COL6A5: variants seen among roughly 807,000 people sequenced by gnomAD.
COL6A5 encodes the protein collagen alpha-5(VI) chain.
COL6A5 carries 48 observed loss-of-function variants against 65.6 expected under a neutral mutation model. That is an observed-to-expected ratio of 0.73 (90% CI 0.58 to 0.93). The LOEUF is 0.93. COL6A5 is among the 40% of genes least tolerant of loss of function. The pLI is 0.00. For missense variants in COL6A5, 914 were observed against 928.3 expected, an observed-to-expected ratio of 0.98 and a Z score of 0.20; for synonymous variants, 291 against 322.8, an observed-to-expected ratio of 0.90 and a Z score of 1.05.
At chr3:130,466,876 G>A (rs1709831355) in intron 5 of COL6A5, among the ~76,000 whole-genome samples, 1 of 151,906 alleles carries the variant, frequency 6.6e-6, no homozygotes, top group Non-Finnish European at 1.5e-5. Flanking sequence ...TTCTTGCAAT[G>A]TATAAACTAC....
At chr3:130,479,755 A>G (rs1710190980) in intron 7 of COL6A5, among the ~76,000 whole-genome samples, 1 of 152,176 alleles carries the variant, frequency 6.6e-6, no homozygotes, top group African/African-American at 2.4e-5. Context: ...ATCAAAAAAT[A>G]TACTAATAAT....
At chr3:130,361,573 C>A (rs1410408870) in intron 1 of COL6A5, among the ~76,000 whole-genome samples, 3 of 152,040 alleles carry the variant, frequency 2.0e-5, no homozygotes, top group Admixed American at 1.3e-4. Context: ...GTTTTCAACT[C>A]ATTTGGGTAA....
chr3:130,461,775 TA>T lies in COL6A5; in HGVS notation c.1544+6117del, dbSNP rs35931079. Among the ~76,000 whole-genome samples, 816 of 145,616 alleles carry T rather than the reference TA, an allele frequency of 5.6e-3. 17 individuals are homozygous for T. Among genetic ancestry groups the T allele is most frequent in the East Asian group, 0.052 (237 of 4,582 alleles). ...AAATTTAAATTAACTTTTTTTTTTT[TA>T]AAAAAAACCTTCTTATAAACTCATC... On this transcript the variant is annotated intron_variant, in intron 5 of 7. Transcript: ENST00000512836.
intron 5 of COL6A5, among the ~76,000 whole-genome samples, chr3:130,462,608 T>C (rs983722561): frequency 3.9e-5 from 6 of 152,196 alleles, no homozygotes; most frequent in Non-Finnish European, 5.9e-5. Flanking sequence ...GATAATGAAA[T>C]TGAGGCATGG....
intron 8 of COL6A5, 120 bp from the exon 9 acceptor site, chr3:130,397,463 A>G (rs1936641536): frequency 1.5e-6 from 1 of 658,370 alleles, no homozygotes; most frequent in African/African-American, 1.8e-5. Flanking sequence ...CTTCTTGAAC[A>G]CTATTTGGGG....
At chr3:130,459,512 A>G (rs992436563) in intron 5 of COL6A5, among the ~76,000 whole-genome samples, 1 of 152,064 alleles carries the variant, frequency 6.6e-6, no homozygotes, top group Admixed American at 6.6e-5. Context: ...GGAGGACACT[A>G]CTGGCATCTA....
chr3:130,455,673 A>G lies in COL6A5; in HGVS notation c.1544+7A>G. The G allele has an allele frequency of 6.3e-7, 1 of 1,591,420 alleles. No homozygotes were observed. ...ATTGCAAGTCTCACTTCTGGTAAGA[A>G]AATGAAAAGTCATGATGGAAATGTT... On this transcript the variant is annotated splice_region_variant and intron_variant, in intron 5 of 7. Coordinates refer to ENST00000512836, the Ensembl canonical transcript of COL6A5.
intron 1 of COL6A5, among the ~76,000 whole-genome samples, chr3:130,356,734 T>G (rs554466077): frequency 6.6e-6 from 1 of 152,272 alleles, no homozygotes; most frequent in East Asian, 1.9e-4. Context: ...GAAAATCTCT[T>G]GATTTTCAAT....
At position 130,415,747 on chromosome 3, in the gene COL6A5, A is replaced by T. The variant is rs752042890; in HGVS notation, c.4824+40A>T. The T allele has an allele frequency of 2.7e-6, 4 of 1,457,054 alleles. No individual in the cohort carries two copies. The South Asian group carries it at 5.7e-5, about 21-fold the overall frequency. 90.3% of individuals were successfully genotyped at this position (1,457,054 alleles called of 1,614,324 possible). ...GACATTAGGCTCAATGACTCTCAAC[A>T]GTTATTTTCCTCTTAGTGCAAAAAA... On this transcript the variant is annotated intron_variant and NMD_transcript_variant, in intron 23 of 41. Transcript: ENST00000312481.
chr3:130,474,890 C>T (rs1710049284), intron 7 of COL6A5, among the ~76,000 whole-genome samples: 2 of 150,958 alleles, frequency 1.3e-5, no homozygotes, highest in Admixed American at 1.3e-4. Flanking sequence ...GTACATAGTC[C>T]CAGGTACTCA....
intron 2 of COL6A5, among the ~76,000 whole-genome samples, chr3:130,375,423 G>A (rs1372690731): frequency 2.0e-5 from 3 of 152,014 alleles, no homozygotes; most frequent in African/African-American, 7.2e-5. Flanking sequence ...AGACCTTACC[G>A]GATGACATGC....
chr3:130,355,455 T>C (rs1934888338), intron 1 of COL6A5, among the ~76,000 whole-genome samples: 1 of 152,086 alleles, frequency 6.6e-6, no homozygotes, highest in Admixed American at 6.6e-5. Flanking sequence ...TATTATTTTA[T>C]TTCTAAAGTT....
intron 5 of COL6A5, among the ~76,000 whole-genome samples, chr3:130,457,810 T>C (rs558405719): frequency 6.6e-6 from 1 of 152,274 alleles, no homozygotes; most frequent in East Asian, 1.9e-4. Context: ...TGTGCTGTCC[T>C]GTAGAGTGAG....
At chr3:130,473,426 G>T (rs1358302659) in intron 7 of COL6A5, among the ~76,000 whole-genome samples, 1 of 152,050 alleles carries the variant, frequency 6.6e-6, no homozygotes, top group Non-Finnish European at 1.5e-5. Flanking sequence ...ATGCATTAAA[G>T]AAATCCTGCT....
At chr3:130,358,214 A>C (rs995358749) in intron 1 of COL6A5, among the ~76,000 whole-genome samples, 1 of 152,072 alleles carries the variant, frequency 6.6e-6, no homozygotes, top group Admixed American at 6.6e-5. Flanking sequence ...TAAATAAAAA[A>C]TTACCATTAA....
At chr3:130,362,308 ATATATATATATATATATAT>A (rs1935150185) in intron 1 of COL6A5, among the ~76,000 whole-genome samples, 3 of 21,092 alleles carry the variant, frequency 1.4e-4, no homozygotes, top group Non-Finnish European at 1.8e-4. Flanking sequence ...ATATATATAT[ATATATATATATATATATAT>A]TTTTTTTTTT....
At chr3:130,465,652 C>A (rs528185708) in intron 5 of COL6A5, among the ~76,000 whole-genome samples, 1 of 152,108 alleles carries the variant, frequency 6.6e-6, no homozygotes. Flanking sequence ...TACAAGAATA[C>A]AAAAGTATTT....
intron 7 of COL6A5, among the ~76,000 whole-genome samples, chr3:130,479,550 A>G (rs1238960385): frequency 6.6e-6 from 1 of 152,118 alleles, no homozygotes; most frequent in Non-Finnish European, 1.5e-5. Flanking sequence ...GGAACCCCCA[A>G]TACCATAATT....
chr3:130,417,993 G>T (rs185043653), intron 24 of COL6A5, among the ~76,000 whole-genome samples: 37 of 152,130 alleles, frequency 2.4e-4, no homozygotes, highest in Non-Finnish European at 5.0e-4. Flanking sequence ...TAAAAATACA[G>T]TATTGTATAC....
Sources: gnomAD v4.1 joint callset for allele counts (sites outside exome capture counted in the v4.1 genomes callset) on GRCh38, gnomAD v4.1.1 for gene constraint, MANE v1.5 for transcripts, NCBI Gene and HGNC (gene_info 2026-07-23, HGNC 2026-07-21) for gene names.